Variants in PAX3 observed in about 807,000 individuals in gnomAD.
PAX3 encodes the protein paired box protein Pax-3.
PAX3 carries 14 observed loss-of-function variants against 51.6 expected under a neutral mutation model. The ratio of observed to expected loss-of-function variants is 0.27; its 90% CI spans 0.18 to 0.42. PAX3 has a LOEUF of 0.42. PAX3 is among the 10% of genes least tolerant of loss of function. The pLI, the probability that PAX3 is intolerant of heterozygous loss-of-function variation, is 1.00. For missense variants in PAX3, 540 were observed against 642.8 expected, an observed-to-expected ratio of 0.84 and a Z score of 1.73; for synonymous variants, 280 against 253.4, an observed-to-expected ratio of 1.11 and a Z score of -1.00.
At chr2:222,215,633 A>T (rs1280435710) in intron 7 of PAX3, among the ~76,000 whole-genome samples, 2 of 152,152 alleles carry the variant, frequency 1.3e-5, no homozygotes, top group African/African-American at 2.4e-5. Flanking sequence ...AACATGGGCC[A>T]AATGTTAATT....
At chr2:222,216,727 G>A (rs62188372) in intron 7 of PAX3, among the ~76,000 whole-genome samples, 1 of 140,558 alleles carries the variant, frequency 7.1e-6, no homozygotes, top group Non-Finnish European at 1.6e-5. Context: ...CACACACACA[G>A]AGAGAGAGAG....
At chr2:222,202,372 C>T (rs1691330635) in intron 7 of PAX3, among the ~76,000 whole-genome samples, 182 bp from the exon 8 acceptor site, 1 of 151,596 alleles carries the variant, frequency 6.6e-6, no homozygotes, top group South Asian at 2.1e-4. Context: ...CCGACGATAA[C>T]ATCTGACTGC....
At chr2:222,269,689 A>G (rs45597435) in intron 4 of PAX3, among the ~76,000 whole-genome samples, 14,671 of 151,992 alleles carry the variant, frequency 0.097, 765 homozygotes, top group South Asian at 0.14. Flanking sequence ...TAATCAGCAA[A>G]TCCCTTCACC....
chr2:222,260,112 C>T (rs537650823), intron 4 of PAX3, among the ~76,000 whole-genome samples: 2 of 152,236 alleles, frequency 1.3e-5, no homozygotes, highest in East Asian at 1.9e-4. Flanking sequence ...TGGCCTCAGG[C>T]AATTCTCCTG....
At chr2:222,289,535 T>A (rs1694953976) in intron 4 of PAX3, among the ~76,000 whole-genome samples, 1 of 152,174 alleles carries the variant, frequency 6.6e-6, no homozygotes, top group Non-Finnish European at 1.5e-5. Context: ...CTTCAGTAAT[T>A]ATTACTCAGT....
Position 222,298,891 on chromosome 2 carries a change from C to T in PAX3, c.-276G>A. On this transcript the variant is annotated 5_prime_UTR_variant, in exon 1 of 9. Transcript: ENST00000392070. The stretch of plus-strand genomic sequence containing the variant: ...GTACGAGTCTGGGCAAATGTTCCAG[C>T]GACTGGGGTCCCTGAAAAGGGGGCT... 1 of 544,608 alleles carries T rather than the reference C, an allele frequency of 1.8e-6. No homozygotes were observed. The highest frequency in any genetic ancestry group is 3.3e-6 in the Non-Finnish European group (1 of 302,886). The allele number at this position is 544,608 out of a possible 1,614,324, so 33.7% of individuals were successfully genotyped here. A position where few individuals can be genotyped will look rare whatever the true frequency, so the allele number is the denominator to read the frequency against.
At chr2:222,294,796 T>G (rs1695204053) in intron 3 of PAX3, among the ~76,000 whole-genome samples, 1 of 109,578 alleles carries the variant, frequency 9.1e-6, no homozygotes, top group Admixed American at 1.1e-4. Flanking sequence ...TTTCTTTTTT[T>G]TCCTTTCTTC....
intron 4 of PAX3, among the ~76,000 whole-genome samples, chr2:222,236,621 A>G (rs1692807098): frequency 6.6e-6 from 1 of 152,168 alleles, no homozygotes; most frequent in South Asian, 2.1e-4. Flanking sequence ...TTTTTTCTCT[A>G]TAGAATATCT....
intron 4 of PAX3, among the ~76,000 whole-genome samples, chr2:222,252,823 A>C (rs770765891): frequency 4.6e-5 from 7 of 152,180 alleles, no homozygotes; most frequent in Non-Finnish European, 1.0e-4. Flanking sequence ...TGCTCAGTTC[A>C]TAAAAAGGGT....
At chr2:222,291,727 G>T (rs1029541529) in intron 4 of PAX3, among the ~76,000 whole-genome samples, 12 of 152,128 alleles carry the variant, frequency 7.9e-5, no homozygotes, top group African/African-American at 2.7e-4. Context: ...CTCTGCCAGG[G>T]CGCTAAGAAC....
Position 222,222,674 on chromosome 2 carries a change from C to T in PAX3, c.793-1287G>A, listed in dbSNP as rs115012466. On this transcript the variant is annotated intron_variant, in intron 5 of 8. Coordinates refer to ENST00000392070, the MANE Select transcript of PAX3 (RefSeq NM_181458.4). ...CCTCCCAAAGTGCTGGGATTACAGG[C>T]GTGAGCCACCCATTGAAACTTAATA... 4.3e-3 allele frequency among the ~76,000 whole-genome samples: 650 copies of T among 152,238 alleles called. 9 individuals carry two copies. The highest frequency in any genetic ancestry group is 0.015 in the African/African-American group (627 of 41,532).
intron 4 of PAX3, among the ~76,000 whole-genome samples, chr2:222,256,928 G>A (rs373552239): frequency 6.6e-6 from 1 of 152,294 alleles, no homozygotes; most frequent in Admixed American, 6.5e-5. Context: ...TCATTGAAAT[G>A]GACCCTGTAC....
chr2:222,246,277 TTTAAC>T (rs1693224532), intron 4 of PAX3, among the ~76,000 whole-genome samples: 1 of 152,088 alleles, frequency 6.6e-6, no homozygotes, highest in Non-Finnish European at 1.5e-5. Flanking sequence ...AGCCCATGGT[TTTAAC>T]TGGAAATCAT....
Position 222,298,730 on chromosome 2 carries a change from C to A in PAX3, c.-115G>T. 1 of 1,032,752 alleles carries A rather than the reference C, an allele frequency of 9.7e-7. No individual in the cohort carries two copies. Among genetic ancestry groups the A allele is most frequent in the Non-Finnish European group, 1.5e-6 (1 of 683,372 alleles). The allele number at this position is 1,032,752 out of a possible 1,614,324, so 64.0% of individuals were successfully genotyped here. A position where few individuals can be genotyped will look rare whatever the true frequency, so the allele number is the denominator to read the frequency against. On this transcript the variant is annotated 5_prime_UTR_variant, in exon 1 of 9. Coordinates refer to ENST00000392070, the MANE Select transcript of PAX3 (RefSeq NM_181458.4). ...GAGCGTGGAGAGCCCCTCCCCAAAA[C>A]GGCTGGAGAGAGAGGGAGGGACGCG... is the stretch of plus-strand genomic sequence containing the variant.
chr2:222,230,930 T>C (rs1298459998), intron 5 of PAX3, among the ~76,000 whole-genome samples: 8 of 152,108 alleles, frequency 5.3e-5, no homozygotes, highest in African/African-American at 1.9e-4. Flanking sequence ...TCTGCACTTA[T>C]CATGTCTGTG....
At chr2:222,291,941 C>T (rs185996308) in intron 4 of PAX3, among the ~76,000 whole-genome samples, 1 of 150,630 alleles carries the variant, frequency 6.6e-6, no homozygotes, top group Admixed American at 6.6e-5. Context: ...CTTGACAACC[C>T]CAAATTAAAT....
intron 5 of PAX3, among the ~76,000 whole-genome samples, chr2:222,226,851 T>A (rs1020190001): frequency 1.3e-5 from 2 of 151,730 alleles, no homozygotes; most frequent in Non-Finnish European, 2.9e-5. Flanking sequence ...AGTTTTTAAT[T>A]TGGGCATGGG....
chr2:222,200,121 C>T lies in PAX3; in HGVS notation c.*1287G>A, dbSNP rs1482563835. On this transcript the variant is annotated 3_prime_UTR_variant, in exon 9 of 9. Coordinates refer to ENST00000392070, the MANE Select transcript of PAX3 (RefSeq NM_181458.4). ...CTAAAAGGAATGTATTTGTGCCTAC[C>T]TCATTCGTGGTTCCAAGAATAGAAA... The T allele has an allele frequency of 2.3e-5, 5 of 213,370 alleles. No homozygotes were observed. The East Asian group carries it at 3.5e-4, about 15-fold the overall frequency. The allele number at this position is 213,370 out of a possible 1,614,324, so 13.2% of individuals were successfully genotyped here. A position where few individuals can be genotyped will look rare whatever the true frequency, so the allele number is the denominator to read the frequency against.
Position 222,294,448 on chromosome 2 carries a change from C to A in PAX3, c.452-147G>T. 3.8e-6 allele frequency: 3 copies of A among 793,518 alleles called. No homozygotes were observed. The East Asian group carries it at 8.0e-5, about 21-fold the overall frequency. The allele number at this position is 793,518 out of a possible 1,614,324, so 49.2% of individuals were successfully genotyped here. A position where few individuals can be genotyped will look rare whatever the true frequency, so the allele number is the denominator to read the frequency against. ...CTCGCGGGTGTCTCCTCCTGCATCT[C>A]TGGACATCCTCATCCTTCTCCAGCC... On this transcript the variant is annotated intron_variant, in intron 3 of 8. Coordinates refer to ENST00000392070, the MANE Select transcript of PAX3 (RefSeq NM_181458.4).
Sources: gnomAD v4.1 joint callset for allele counts (sites outside exome capture counted in the v4.1 genomes callset) on GRCh38, gnomAD v4.1.1 for gene constraint, MANE v1.5 for transcripts, NCBI Gene and HGNC (gene_info 2026-07-23, HGNC 2026-07-21) for gene names.